SNX1: variants seen among roughly 807,000 people sequenced by gnomAD.
The protein encoded by SNX1 is sorting nexin-1.
In SNX1, 36 loss-of-function variants were observed where a neutral mutation model predicts 71.8. The ratio of observed to expected loss-of-function variants is 0.50; its 90% CI spans 0.38 to 0.66. SNX1 has a LOEUF of 0.66. SNX1 is among the 30% of genes least tolerant of loss of function. The probability of loss-of-function intolerance (pLI) is 0.00; values close to 1 mark genes in which losing one functional copy is unlikely to be tolerated. For synonymous variants in SNX1, 254 were observed against 240.7 expected (o/e 1.06, Z -0.51); for missense variants, 612 against 646.7 (o/e 0.95, Z 0.58).
chr15:64,101,048 C>T lies in SNX1; in HGVS notation c.159+4876C>T, dbSNP rs571825661. Among the ~76,000 whole-genome samples the T allele has an allele frequency of 7.2e-5, 11 of 152,302 alleles. No individual in the cohort carries two copies. In the South Asian group the frequency reaches 8.3e-4, roughly 11 times the overall value. On this transcript the variant is annotated intron_variant, in intron 1 of 14. Transcript: ENST00000559844. ...AACTACTGGGCTCAAGTGATCCTCCCACCTTGGCCTCCCAAAGTGCTAGAA... is the reference window on the plus strand; with the variant it reads ...AACTACTGGGCTCAAGTGATCCTCCTACCTTGGCCTCCCAAAGTGCTAGAA...
intron 2 of SNX1, among the ~76,000 whole-genome samples, chr15:64,113,839 AAGAGAG>A (rs10642801): frequency 3.6e-4 from 30 of 84,076 alleles, no homozygotes; most frequent in African/African-American, 8.1e-4. Flanking sequence ...GAAAGAAAGA[AAGAGAG>A]AGAGAGAGAG....
chr15:64,096,247 A>T (rs1048505308), intron 1 of SNX1, 75 bp downstream of exon 1: 1 of 1,501,686 alleles, frequency 6.7e-7, no homozygotes, highest in Non-Finnish European at 8.9e-7. Context: ...AGAATCGGGG[A>T]GGTTGGGCAG....
In SNX1 at chr15:64,126,073, C is replaced by A; in HGVS notation, c.511-6C>A. ...AAATTGCCTTGTGTTTTTTCCTGTC[C>A]CCAAGACAAGCTTACCATTGTTCAG... On this transcript the variant is annotated splice_region_variant and splice_polypyrimidine_tract_variant and intron_variant, in intron 5 of 14. Transcript: ENST00000559844. The A allele has an allele frequency of 6.2e-7, 1 of 1,613,468 alleles. No individual in the cohort carries two copies. The highest frequency in any genetic ancestry group is 1.1e-5 in the South Asian group (1 of 90,992).
At chr15:64,120,089 A>G (rs753376497) in intron 4 of SNX1, among the ~76,000 whole-genome samples, 1 of 152,120 alleles carries the variant, frequency 6.6e-6, no homozygotes, top group Non-Finnish European at 1.5e-5. Flanking sequence ...GTGGAGAACA[A>G]TAGGCCTCAT....
rs960862426 is a variant in SNX1, at chr15:64,136,713, A to C, written c.1447-148A>C. On this transcript the variant is annotated intron_variant, in intron 13 of 14. Transcript: ENST00000559844. ...CAACAAAGCCTTTCAAGGCCTTGGC[A>C]GACCCTCTTTGGCTGGAAATTACAG... The C allele has an allele frequency of 9.2e-6, 6 of 651,068 alleles. No homozygotes were observed. The African/African-American group carries it at 1.1e-4, about 12-fold the overall frequency. 40.3% of individuals were successfully genotyped at this position (651,068 alleles called of 1,614,324 possible). A position where few individuals can be genotyped will look rare whatever the true frequency, so the allele number is the denominator to read the frequency against.
chr15:64,141,023 A>AGATAGATAGATG lies in SNX1; in HGVS notation c.*3408_*3409insAGATAGATGGAT, dbSNP rs1567337196. ...TAGATAGATAGATAGATAGATAGAT[A>AGATAGATAGATG]GATGATAGATATAGATAGATAGATA... On this transcript the variant is annotated 3_prime_UTR_variant, in exon 15 of 15. Transcript: ENST00000559844. This position sits in a 1 kb window ranked among gnomAD's most constrained non-coding sequence, Gnocchi z 5.1. The AGATAGATAGATG allele has an allele frequency of 4.3e-3, 654 of 151,428 alleles. 4 individuals are homozygous for AGATAGATAGATG. The highest frequency in any genetic ancestry group is 0.015 in the African/African-American group (614 of 40,710). 9.4% of individuals were successfully genotyped at this position (151,428 alleles called of 1,614,324 possible). A position where few individuals can be genotyped will look rare whatever the true frequency, so the allele number is the denominator to read the frequency against.
rs1596016517 is a variant in SNX1, at chr15:64,142,383, A to C, written c.*4765A>C. 1.1e-5 allele frequency: 3 copies of C among 260,922 alleles called. No homozygotes were observed. Among genetic ancestry groups the C allele is most frequent in the African/African-American group, 2.3e-5 (1 of 43,822 alleles). The allele number at this position is 260,922 out of a possible 1,614,324, so 16.2% of individuals were successfully genotyped here. A position where few individuals can be genotyped will look rare whatever the true frequency, so the allele number is the denominator to read the frequency against. On this transcript the variant is annotated 3_prime_UTR_variant, in exon 15 of 15. Transcript: ENST00000559844. Reference sequence around the variant, plus strand: ...AGGCCAGTTGCTTTAAGTAGGGGAGATAGAGTTAAAGGAGGCTTTGTTTTA... The same window carrying C: ...AGGCCAGTTGCTTTAAGTAGGGGAGCTAGAGTTAAAGGAGGCTTTGTTTTA...
chr15:64,140,983 T>TTAGATA lies in SNX1; in HGVS notation c.*3365_*3366insTAGATA, dbSNP rs10678401. On this transcript the variant is annotated 3_prime_UTR_variant, in exon 15 of 15. Coordinates refer to ENST00000559844, the MANE Select transcript of SNX1 (RefSeq NM_003099.5). ...GCTCTCACCATACAGTGCAAAGAGATGATAGATAGATAGATAGATAGATAG... is the reference window on the plus strand; with the variant it reads ...GCTCTCACCATACAGTGCAAAGAGATTAGATAGATAGATAGATAGATAGATAGATAG... 1.3e-5 allele frequency: 2 copies of TTAGATA among 148,780 alleles called. No individual in the cohort carries two copies. The highest frequency in any genetic ancestry group is 1.3e-4 in the Admixed American group (2 of 14,906). 9.2% of individuals were successfully genotyped at this position (148,780 alleles called of 1,614,324 possible).
rs896346009 is a variant in SNX1, at chr15:64,129,731, T to C, written c.808-185T>C. On this transcript the variant is annotated intron_variant, in intron 8 of 14. Coordinates refer to ENST00000559844, the MANE Select transcript of SNX1 (RefSeq NM_003099.5). The surrounding 1 kb of genome is among the most constrained non-coding windows in gnomAD (Gnocchi z 4.4). ...AAAATGTTGCTGATTCTTTTTAACA[T>C]GGTTCTTTGATTTTTCTGTATGGAC... is the stretch of plus-strand genomic sequence containing the variant. 2 of 565,988 alleles carry C rather than the reference T, an allele frequency of 3.5e-6. No homozygotes were observed. The highest frequency in any genetic ancestry group is 6.3e-6 in the Non-Finnish European group (2 of 317,412). The allele number at this position is 565,988 out of a possible 1,614,324, so 35.1% of individuals were successfully genotyped here.
At position 64,141,923 on chromosome 15, in the gene SNX1, G is replaced by T. The variant is rs946587706; in HGVS notation, c.*4305G>T. 1 of 152,324 alleles carries T rather than the reference G, an allele frequency of 6.6e-6. No individual in the cohort carries two copies. Among genetic ancestry groups the T allele is most frequent in the East Asian group, 1.9e-4 (1 of 5,196 alleles). 9.4% of individuals were successfully genotyped at this position (152,324 alleles called of 1,614,324 possible). A position where few individuals can be genotyped will look rare whatever the true frequency, so the allele number is the denominator to read the frequency against. On this transcript the variant is annotated 3_prime_UTR_variant, in exon 15 of 15. Transcript: ENST00000559844. The surrounding 1 kb of genome is among the most constrained non-coding windows in gnomAD (Gnocchi z 5.1). ...GAGAGGGAGGTAGCTAGGATGCCCC[G>T]CAAGCTTCTGGCCCAGACACTGGGC... is the stretch of plus-strand genomic sequence containing the variant.
chr15:64,124,430 C>T (rs2081228882), intron 5 of SNX1, among the ~76,000 whole-genome samples: 2 of 150,154 alleles, frequency 1.3e-5, no homozygotes, highest in South Asian at 4.3e-4. Context: ...TGGCGTGAAC[C>T]CGGGAGGCGG....
chr15:64,096,505 A>G (rs1235238555), intron 1 of SNX1, among the ~76,000 whole-genome samples: 1 of 152,244 alleles, frequency 6.6e-6, no homozygotes, highest in Non-Finnish European at 1.5e-5. Context: ...GCCAAGGCAG[A>G]TTCAGTAGGA....
chr15:64,133,031 C>G (rs2081322739), intron 11 of SNX1, among the ~76,000 whole-genome samples: 1 of 152,220 alleles, frequency 6.6e-6, no homozygotes, highest in African/African-American at 2.4e-5. Context: ...GGCCCCCAGG[C>G]AGAGTGAGCT....
At chr15:64,103,478 T>C (rs1333808856) in intron 1 of SNX1, among the ~76,000 whole-genome samples, 1 of 152,222 alleles carries the variant, frequency 6.6e-6, no homozygotes, top group Admixed American at 6.5e-5. Context: ...TTCTTTCTCA[T>C]GAAAATTGTA....
intron 5 of SNX1, among the ~76,000 whole-genome samples, chr15:64,124,422 G>A (rs4344683): frequency 0.54 from 80,610 of 149,218 alleles, 26,450 homozygotes; most frequent in East Asian, 0.81. Flanking sequence ...CAGGAGAATG[G>A]CGTGAACCCG....
chr15:64,122,640 T>A (rs1365818321), intron 4 of SNX1, among the ~76,000 whole-genome samples: 1 of 152,054 alleles, frequency 6.6e-6, no homozygotes, highest in Non-Finnish European at 1.5e-5. Context: ...ACTGTTGACC[T>A]AGGTTTTCCG....
intron 4 of SNX1, 82 bp from the exon 5 acceptor site, chr15:64,123,421 T>G: frequency 8.2e-7 from 1 of 1,225,058 alleles, no homozygotes; most frequent in Non-Finnish European, 1.2e-6. Context: ...CCTATGGCTT[T>G]TATGATTCCT....
At chr15:64,117,783 C>T (rs1293222871) in intron 2 of SNX1, among the ~76,000 whole-genome samples, 1 of 152,112 alleles carries the variant, frequency 6.6e-6, no homozygotes, top group Non-Finnish European at 1.5e-5. Context: ...CAGAGTGACA[C>T]TCTGTCTAAA....
chr15:64,118,793 GGAA>G lies in SNX1; in HGVS notation c.412_414del (p.Glu138del). 1.2e-6 allele frequency: 2 copies of G among 1,612,326 alleles called. No homozygotes were observed. Among genetic ancestry groups the G allele is most frequent in the South Asian group, 1.1e-5 (1 of 90,898 alleles). On this transcript the variant is annotated inframe_deletion, in exon 4 of 15. Coordinates refer to ENST00000559844, the MANE Select transcript of SNX1 (RefSeq NM_003099.5). ...TTTGTCTTTTCTTGAAAAAGCTAGA[GGAA>G]GAAGAACAGGAGGATCAATTTGATT...
Sources: gnomAD v4.1 joint callset for allele counts (sites outside exome capture counted in the v4.1 genomes callset) on GRCh38, gnomAD v4.1.1 for gene constraint, Gnocchi (gnomAD v3.1) non-coding constraint, MANE v1.5 for transcripts, NCBI Gene and HGNC (gene_info 2026-07-23, HGNC 2026-07-21) for gene names.